The following RPN1 variants were observed in gnomAD, a reference collection of about 807,000 sequenced individuals.
RPN1 encodes ribophorin I.
A neutral mutation model predicts 55.5 loss-of-function variants in RPN1; 12 were observed. That is an observed-to-expected ratio of 0.22 (90% CI 0.14 to 0.35). The LOEUF is 0.35. RPN1 is among the 10% of genes least tolerant of loss of function. The pLI, the probability that RPN1 is intolerant of heterozygous loss-of-function variation, is 1.00. For synonymous variants in RPN1, 317 were observed against 305.9 expected, an observed-to-expected ratio of 1.04 and a Z score of -0.38; for missense variants, 679 against 761.3, an observed-to-expected ratio of 0.89 and a Z score of 1.27.
At chr3:128,627,990 G>A (rs2069612557) in intron 5 of RPN1, among the ~76,000 whole-genome samples, 1 of 1,516 alleles carries the variant, frequency 6.6e-4, no homozygotes, top group African/African-American at 2.6e-3. Flanking sequence ...GGGCGCGGTG[G>A]CTCACTCCTG....
chr3:128,621,495 AAAAC>A (rs778121919), intron 9 of RPN1, among the ~76,000 whole-genome samples: 1 of 152,204 alleles, frequency 6.6e-6, no homozygotes, highest in African/African-American at 2.4e-5. Context: ...CCCTGTCTCA[AAAAC>A]AAACAACAAA....
Position 128,622,175 on chromosome 3 carries a change from G to T in RPN1, c.1630C>A (p.Leu544Met). The T allele has an allele frequency of 6.2e-7, 1 of 1,614,154 alleles. No homozygotes were observed. The highest frequency in any genetic ancestry group is 1.1e-5 in the South Asian group (1 of 91,062). ...QSRLKTEGSD[L>M]CDRVSEMQKL... ...CGCCCGACACTTACTCTGTCGCACA[G>T]ATCAGAGCCCTCTGTCTTCAGCCTG... is the stretch of plus-strand genomic sequence containing the variant. The change falls in exon 9 of 10, where the codon CTG becomes ATG. Residue 544 changes from leucine to methionine, a missense_variant. Coordinates refer to ENST00000296255, the MANE Select transcript of RPN1 (RefSeq NM_002950.4).
rs575381932 is a variant in RPN1, at chr3:128,621,200, A to G, written c.1642-607T>C. Among the ~76,000 whole-genome samples, 3 of 152,336 alleles carry G rather than the reference A, an allele frequency of 2.0e-5. No homozygotes were observed. The East Asian group carries it at 5.8e-4, about 29-fold the overall frequency. On this transcript the variant is annotated intron_variant, in intron 9 of 9. Transcript: ENST00000296255. Reference sequence around the variant, plus strand: ...CATATAATTAACACTTAAGTAGAAGAATAAATCGTTTCAGAAAGTGGTAGG... The same window carrying G: ...CATATAATTAACACTTAAGTAGAAGGATAAATCGTTTCAGAAAGTGGTAGG...
At chr3:128,620,663 T>A in intron 9 of RPN1, 70 bp from the exon 10 acceptor site, 1 of 1,508,458 alleles carries the variant, frequency 6.6e-7, no homozygotes, top group East Asian at 2.3e-5. Flanking sequence ...CCCCACCATC[T>A]CCCAGGCCTA....
intron 3 of RPN1, among the ~76,000 whole-genome samples, chr3:128,636,485 CA>C (rs10575402): frequency 0.26 from 38,451 of 148,790 alleles, 5,027 homozygotes; most frequent in African/African-American, 0.28. Flanking sequence ...AAAATAAAGA[CA>C]AAAAAAAAAA....
At chr3:128,635,991 ATT>A (rs975821768) in intron 3 of RPN1, among the ~76,000 whole-genome samples, 4 of 151,888 alleles carry the variant, frequency 2.6e-5, no homozygotes, top group African/African-American at 7.3e-5. Flanking sequence ...GTTATATATG[ATT>A]TTGTTACATA....
chr3:128,625,502 A>C (rs2069591493), intron 8 of RPN1, 32 bp downstream of exon 8: 2 of 1,613,816 alleles, frequency 1.2e-6, no homozygotes, highest in African/African-American at 2.7e-5. Context: ...CAAGGACACA[A>C]ATGACAAGCA....
Position 128,638,880 on chromosome 3 carries a change from C to T in RPN1, c.327-775G>A, listed in dbSNP as rs143851401. On this transcript the variant is annotated intron_variant, in intron 2 of 9. Coordinates refer to ENST00000296255, the MANE Select transcript of RPN1 (RefSeq NM_002950.4). ...ACTTGAGAGGTTGAAGTGGGAGGAT[C>T]ACTTGAACCCGGGAGGCGGAGGTTG... Among the ~76,000 whole-genome samples the T allele has an allele frequency of 8.2e-4, 125 of 152,012 alleles. 2 individuals carry two copies. The highest frequency in any genetic ancestry group is 2.9e-3 in the African/African-American group (120 of 41,476).
At chr3:128,633,931 C>A (rs1408657000) in intron 3 of RPN1, among the ~76,000 whole-genome samples, 2 of 151,858 alleles carry the variant, frequency 1.3e-5, no homozygotes, top group South Asian at 2.1e-4. Flanking sequence ...TGCAGTGAGC[C>A]GAGATTGTGC....
At chr3:128,632,965 C>T (rs1393291616) in intron 3 of RPN1, among the ~76,000 whole-genome samples, 1 of 152,150 alleles carries the variant, frequency 6.6e-6, no homozygotes, top group African/African-American at 2.4e-5. Context: ...CCCAACACAC[C>T]TTGCTTCCCA....
At chr3:128,637,435 C>G (rs1030415483) in intron 3 of RPN1, among the ~76,000 whole-genome samples, 11 of 152,030 alleles carry the variant, frequency 7.2e-5, no homozygotes, top group African/African-American at 2.7e-4. Flanking sequence ...AAGTTCCAAC[C>G]AAGGCCCAAC....
chr3:128,624,168 C>G (rs2069581424), intron 8 of RPN1, among the ~76,000 whole-genome samples: 1 of 152,136 alleles, frequency 6.6e-6, no homozygotes, highest in African/African-American at 2.4e-5. Context: ...GTATTGAGTA[C>G]TGTATTTCCT....
chr3:128,631,917 T>A, intron 4 of RPN1, 31 bp downstream of exon 4: 1 of 1,610,644 alleles, frequency 6.2e-7, no homozygotes, highest in Non-Finnish European at 8.5e-7. Flanking sequence ...AGTCCTCATT[T>A]CTCACAATGT....
At position 128,622,738 on chromosome 3, in the gene RPN1, G is replaced by GA. The variant is rs951912594; in HGVS notation, c.1396-330dup. On this transcript the variant is annotated intron_variant, in intron 8 of 9. Transcript: ENST00000296255. ...TGACATCCCATCTCTACTAAAAATA[G>GA]AAAAAAAAATTAGCCGGGCATGGTG... Among the ~76,000 whole-genome samples the GA allele has an allele frequency of 5.8e-4, 88 of 151,000 alleles. 1 individual carries two copies. The highest frequency in any genetic ancestry group is 6.8e-3 in the Middle Eastern group (2 of 292).
chr3:128,627,228 C>T (rs1423305114), intron 5 of RPN1: 4 of 227,604 alleles, frequency 1.8e-5, no homozygotes, highest in South Asian at 7.0e-5. Flanking sequence ...GTGAGTGAAA[C>T]GGGCCTGCAG....
chr3:128,620,329 G>A lies in RPN1; in HGVS notation c.*82C>T. The A allele has an allele frequency of 7.3e-7, 1 of 1,364,386 alleles. No homozygotes were observed. The highest frequency in any genetic ancestry group is 1.5e-5 in the South Asian group (1 of 68,446). 84.5% of individuals were successfully genotyped at this position (1,364,386 alleles called of 1,614,324 possible). On this transcript the variant is annotated 3_prime_UTR_variant, in exon 10 of 10. Coordinates refer to ENST00000296255, the MANE Select transcript of RPN1 (RefSeq NM_002950.4). ...GATGTCAGCTTTCACTGGCCTCCAT[G>A]CACAACCTCCCACTACCACCCAATC...
At chr3:128,639,774 G>C (rs2069711182) in intron 2 of RPN1, among the ~76,000 whole-genome samples, 1 of 151,808 alleles carries the variant, frequency 6.6e-6, no homozygotes, top group Non-Finnish European at 1.5e-5. Flanking sequence ...TTTTAGTACA[G>C]AGGGGATTTC....
At chr3:128,636,086 A>C (rs2069680082) in intron 3 of RPN1, among the ~76,000 whole-genome samples, 2 of 152,192 alleles carry the variant, frequency 1.3e-5, no homozygotes, top group Admixed American at 1.3e-4. Context: ...TATTCAAAAA[A>C]TTATGTTAAT....
At position 128,637,912 on chromosome 3, in the gene RPN1, G is replaced by A. The variant is rs376709384; in HGVS notation, c.520C>T (p.Arg174Cys). The A allele has an allele frequency of 2.4e-5, 39 of 1,614,072 alleles. No homozygotes were observed. The highest frequency in any genetic ancestry group is 6.7e-5 in the African/African-American group (5 of 74,930). ...SPYPTKTQTM[R>C]VKLASRNVES... ...ACATTTCGAGAGGCAAGCTTCACACGCATGGTTTGTGTCTTCGTTGGATAG... is the reference window on the plus strand; with the variant it reads ...ACATTTCGAGAGGCAAGCTTCACACACATGGTTTGTGTCTTCGTTGGATAG... The change falls in exon 3 of 10, where the codon CGT becomes TGT. Residue 174 changes from arginine (R) to cysteine (C), a missense_variant. Arg to Cys is a radical substitution (Grantham distance 180, BLOSUM62 -3). Transcript: ENST00000296255.
Sources: allele counts gnomAD v4.1 joint callset (sites outside exome capture counted in the v4.1 genomes callset), GRCh38; gene constraint gnomAD v4.1.1; transcripts MANE v1.5; gene names NCBI Gene and HGNC (gene_info 2026-07-23, HGNC 2026-07-21).